Variants in TPTE2 observed in about 807,000 individuals in gnomAD.
The protein encoded by TPTE2 is transmembrane phosphoinositide 3-phosphatase and tensin homolog 2, also known as phosphatidylinositol 3,4,5-trisphosphate 3-phosphatase TPTE2.
In TPTE2, 53 loss-of-function variants were observed where a neutral mutation model predicts 78.6. That is an observed-to-expected ratio of 0.67 (90% CI 0.54 to 0.85). TPTE2 has a LOEUF of 0.85. Among genes scored for constraint, TPTE2 ranks in the 40% least tolerant of loss-of-function variants. The pLI, the probability that TPTE2 is intolerant of heterozygous loss-of-function variation, is 0.00. For synonymous variants in TPTE2, 175 were observed against 206.2 expected (o/e 0.85, Z 1.30); for missense variants, 461 against 623.0 (o/e 0.74, Z 2.77).
At chr13:19,433,902 G>A (rs967332363) in intron 15 of TPTE2, among the ~76,000 whole-genome samples, 13 of 152,208 alleles carry the variant, frequency 8.5e-5, no homozygotes, top group African/African-American at 2.7e-4. Flanking sequence ...GGGATGGGGA[G>A]ATGTGTGGGG....
chr13:19,500,973 G>A (rs1251440423), intron 1 of TPTE2, among the ~76,000 whole-genome samples: 1 of 137,586 alleles, frequency 7.3e-6, no homozygotes, highest in Admixed American at 7.5e-5. Flanking sequence ...CAAAATCAAT[G>A]TACAAAAATC....
upstream of TPTE2, among the ~76,000 whole-genome samples, chr13:19,507,084 TAC>T (rs763030363): frequency 3.9e-5 from 6 of 152,054 alleles, no homozygotes; most frequent in Admixed American, 3.9e-4. Flanking sequence ...TTTATGAACA[TAC>T]ACACACACAA....
chr13:19,451,607 T>C (rs1187158496), intron 10 of TPTE2, among the ~76,000 whole-genome samples: 1 of 152,172 alleles, frequency 6.6e-6, no homozygotes, highest in African/African-American at 2.4e-5. Context: ...TAGATACATC[T>C]TTAGAGAGTG....
At chr13:19,501,511 ATC>A (rs1261583979) in intron 1 of TPTE2, among the ~76,000 whole-genome samples, 11 of 143,792 alleles carry the variant, frequency 7.6e-5, no homozygotes, top group Non-Finnish European at 1.7e-4. Context: ...ATCTACAACT[ATC>A]TGATCTTTGA....
chr13:19,555,404 C>T, the TPTE2 span, among the ~76,000 whole-genome samples: 1 of 152,080 alleles, frequency 6.6e-6, no homozygotes, highest in Non-Finnish European at 1.5e-5. Context: ...TACTGAATGC[C>T]AACTACATTT....
At chr13:19,439,523 A>T (rs149055767) in intron 13 of TPTE2, among the ~76,000 whole-genome samples, 1 of 152,308 alleles carries the variant, frequency 6.6e-6, no homozygotes, top group Non-Finnish European at 1.5e-5. Flanking sequence ...CCAGATAAGA[A>T]GGACCCATGC....
At chr13:19,561,294 C>G in the TPTE2 span, 1 of 975,138 alleles carries the variant, frequency 1.0e-6, no homozygotes, top group Non-Finnish European at 1.5e-6. Flanking sequence ...CCCTCCTGCC[C>G]CAGCATGCCG....
chr13:19,495,844 TG>T (rs1266272067), intron 1 of TPTE2, among the ~76,000 whole-genome samples: 12 of 152,276 alleles, frequency 7.9e-5, no homozygotes, highest in African/African-American at 2.6e-4. Context: ...GCTTTTGTTT[TG>T]TTTTTTTTGT....
the TPTE2 span, among the ~76,000 whole-genome samples, chr13:19,551,302 TATAC>T: frequency 6.6e-6 from 1 of 152,042 alleles, no homozygotes; most frequent in African/African-American, 2.4e-5. Flanking sequence ...ACAATATGAA[TATAC>T]AGGCCGGGTA....
At chr13:19,560,327 G>C in the TPTE2 span, 6 of 1,481,564 alleles carry the variant, frequency 4.0e-6, no homozygotes, top group South Asian at 3.4e-5. Context: ...CGCTCCAGCC[G>C]CAGGGACTGC....
upstream of TPTE2, among the ~76,000 whole-genome samples, chr13:19,504,413 ATGGGTG>A (rs1868851213): frequency 6.6e-6 from 1 of 151,972 alleles, no homozygotes; most frequent in South Asian, 2.1e-4. Flanking sequence ...CAATGTGATG[ATGGGTG>A]TGGGCTTGTA....
chr13:19,560,480 G>A, the TPTE2 span: 4 of 1,596,326 alleles, frequency 2.5e-6, no homozygotes, highest in South Asian at 4.4e-5. Flanking sequence ...CCCGGCACCA[G>A]CACCTCCATT....
At chr13:19,460,839 G>A (rs112139835) in intron 10 of TPTE2, among the ~76,000 whole-genome samples, 4 of 152,176 alleles carry the variant, frequency 2.6e-5, no homozygotes, top group Admixed American at 1.3e-4. Flanking sequence ...CACAGTAAAC[G>A]GCATTATATG....
rs531157114 is a variant in TPTE2, at chr13:19,494,369, T to A, written c.12-868A>T. ...TCCCACTAATCTCGGTCTCTTTCTC[T>A]GTCACTGTTTTGTGTGTGTGTGTAC... is the stretch of plus-strand genomic sequence containing the variant. On this transcript the variant is annotated intron_variant, in intron 1 of 19. Coordinates refer to ENST00000400230, the Ensembl canonical transcript of TPTE2. 1.8e-3 allele frequency among the ~76,000 whole-genome samples: 277 copies of A among 152,356 alleles called. 1 individual carries two copies. The highest frequency in any genetic ancestry group is 5.4e-3 in the South Asian group (26 of 4,822).
chr13:19,554,207 C>T, the TPTE2 span, among the ~76,000 whole-genome samples: 2 of 151,706 alleles, frequency 1.3e-5, no homozygotes, highest in African/African-American at 4.8e-5. Flanking sequence ...AAACCTGTCT[C>T]TACTAAAAAT....
chr13:19,547,714 AATATACATATATAT>A, the TPTE2 span, among the ~76,000 whole-genome samples: 19 of 108,542 alleles, frequency 1.8e-4, 2 homozygotes, highest in South Asian at 1.2e-3. Flanking sequence ...CTAAGTAATA[AATATACATATATAT>A]ATATATATAT....
intron 10 of TPTE2, among the ~76,000 whole-genome samples, chr13:19,462,538 C>T (rs1593371710): frequency 1.4e-5 from 2 of 143,412 alleles, no homozygotes; most frequent in Non-Finnish European, 1.5e-5. Context: ...TTAACATTTC[C>T]TTTTTTTTTT....
At chr13:19,436,164 A>G in intron 15 of TPTE2, 62 bp downstream of exon 18, 1 of 1,375,474 alleles carries the variant, frequency 7.3e-7, no homozygotes, top group Non-Finnish European at 1.0e-6. Context: ...GAAACCAAAT[A>G]ACAGGTGGCA....
chr13:19,503,841 C>T (rs111648999), upstream of TPTE2, among the ~76,000 whole-genome samples: 60 of 152,238 alleles, frequency 3.9e-4, no homozygotes, highest in African/African-American at 1.3e-3. Flanking sequence ...CCCGGGTTCA[C>T]GCCATTCTCC....
Sources: allele counts gnomAD v4.1 joint callset (sites outside exome capture counted in the v4.1 genomes callset), GRCh38; gene constraint gnomAD v4.1.1; transcripts MANE v1.5; gene names NCBI Gene and HGNC (gene_info 2026-07-23, HGNC 2026-07-21).